The following PPP1R12B variants were observed in gnomAD, a reference collection of about 807,000 sequenced individuals.
The protein encoded by PPP1R12B is myosin phosphatase target subunit 2.
A neutral mutation model predicts 126.1 loss-of-function variants in PPP1R12B; 76 were observed. That is an observed-to-expected ratio of 0.60 (90% CI 0.50 to 0.73). The LOEUF (loss-of-function observed/expected upper bound fraction) is 0.73. Among genes scored for constraint, PPP1R12B ranks in the 30% least tolerant of loss-of-function variants. The probability of loss-of-function intolerance (pLI) is 0.00; values close to 1 mark genes in which losing one functional copy is unlikely to be tolerated. For missense variants in PPP1R12B, 1,052 were observed against 1,205.1 expected (o/e 0.87, Z 1.88); for synonymous variants, 356 against 434.7 (o/e 0.82, Z 2.25).
At chr1:202,560,090 CTGTT>C (rs1373299502) in intron 19 of PPP1R12B, among the ~76,000 whole-genome samples, 2 of 152,098 alleles carry the variant, frequency 1.3e-5, no homozygotes, top group Admixed American at 1.3e-4. Flanking sequence ...AGTTGATTAT[CTGTT>C]TGAGCAATTA....
intron 1 of PPP1R12B, among the ~76,000 whole-genome samples, chr1:202,358,334 A>G (rs1424743610): frequency 6.6e-6 from 1 of 152,178 alleles, no homozygotes; most frequent in Non-Finnish European, 1.5e-5. Flanking sequence ...GGGGGCTTAA[A>G]GTTTTATCAG....
rs933906766 is a variant in PPP1R12B, at chr1:202,581,392, G to A, written c.*832G>A. 1 of 152,244 alleles carries A rather than the reference G, an allele frequency of 6.6e-6. No homozygotes were observed. The highest frequency in any genetic ancestry group is 6.5e-5 in the Admixed American group (1 of 15,272). The allele number at this position is 152,244 out of a possible 1,614,324, so 9.4% of individuals were successfully genotyped here. On this transcript the variant is annotated 3_prime_UTR_variant, in exon 24 of 24. Coordinates refer to ENST00000608999, the MANE Select transcript of PPP1R12B (RefSeq NM_002481.4). The stretch of plus-strand genomic sequence containing the variant: ...AAGAAAATCATCACTCTGGTGCCTT[G>A]GTGGCAGCACCACTGCCTGCTCCCT...
chr1:202,439,452 C>T, intron 10 of PPP1R12B: 1 of 1,391,784 alleles, frequency 7.2e-7, no homozygotes, highest in Non-Finnish European at 1.0e-6. Flanking sequence ...CAGCTGGCTG[C>T]CCGCCAAGTG....
chr1:202,543,035 T>A (rs1685283670), intron 18 of PPP1R12B, among the ~76,000 whole-genome samples: 1 of 152,086 alleles, frequency 6.6e-6, no homozygotes, highest in Non-Finnish European at 1.5e-5. Context: ...GGCTAAATAG[T>A]AAATGCCCCC....
intron 18 of PPP1R12B, among the ~76,000 whole-genome samples, chr1:202,558,390 A>C (rs893704646): frequency 6.6e-6 from 1 of 152,092 alleles, no homozygotes; most frequent in Non-Finnish European, 1.5e-5. Flanking sequence ...ACCTAGGAGA[A>C]ACTGAGGAAG....
At chr1:202,438,642 A>C in intron 10 of PPP1R12B, 12 of 521,330 alleles carry the variant, frequency 2.3e-5, no homozygotes, top group Admixed American at 5.2e-5. Flanking sequence ...TGGCCCCGGA[A>C]GCAGCTGTTG....
intron 10 of PPP1R12B, chr1:202,438,990 T>C: frequency 2.7e-6 from 4 of 1,491,892 alleles, no homozygotes; most frequent in Non-Finnish European, 3.7e-6. Context: ...CGCATGGCCC[T>C]GGCCAACCGG....
At chr1:202,396,174 CA>C (rs1664954897) in intron 1 of PPP1R12B, among the ~76,000 whole-genome samples, 1 of 152,164 alleles carries the variant, frequency 6.6e-6, no homozygotes, top group South Asian at 2.1e-4. Flanking sequence ...AGTGCTTTAA[CA>C]TGAGACTTGT....
At chr1:202,437,276 A>G (rs1183427380) in intron 9 of PPP1R12B, among the ~76,000 whole-genome samples, 1 of 151,966 alleles carries the variant, frequency 6.6e-6, no homozygotes, top group Non-Finnish European at 1.5e-5. Flanking sequence ...GGATGCAGTG[A>G]ACTCTGATTA....
chr1:202,557,590 A>C (rs1687087292), intron 18 of PPP1R12B, among the ~76,000 whole-genome samples: 1 of 152,156 alleles, frequency 6.6e-6, no homozygotes, highest in Non-Finnish European at 1.5e-5. Context: ...CATGTTCAAA[A>C]ACCTTCGTTT....
At position 202,565,689 on chromosome 1, in the gene PPP1R12B, C is replaced by A. The variant is rs1279560174; in HGVS notation, c.2757+1142C>A. ...AGTTTAGAAGAGCCACCCCCTTTTT[C>A]CTGATTATAGTAGCCCAACATGGCT... On this transcript the variant is annotated intron_variant, in intron 21 of 23. Transcript: ENST00000608999. The surrounding 1 kb of genome is among the most constrained non-coding windows in gnomAD (Gnocchi z 4.3). Among the ~76,000 whole-genome samples the A allele has an allele frequency of 1.3e-5, 2 of 152,062 alleles. No individual in the cohort carries two copies. Among genetic ancestry groups the A allele is most frequent in the Non-Finnish European group, 2.9e-5 (2 of 68,002 alleles).
intron 1 of PPP1R12B, among the ~76,000 whole-genome samples, chr1:202,382,433 T>A (rs1344943147): frequency 2.7e-4 from 36 of 131,712 alleles, no homozygotes; most frequent in Non-Finnish European, 4.9e-4. Flanking sequence ...AAAAAAAATA[T>A]ATATATAAAA....
At chr1:202,448,168 A>G (rs969176017) in intron 12 of PPP1R12B, 1 of 152,142 alleles carries the variant, frequency 6.6e-6, no homozygotes, top group African/African-American at 2.4e-5. Context: ...CCATCTCTGT[A>G]TCAGTTTTGG....
intron 18 of PPP1R12B, among the ~76,000 whole-genome samples, chr1:202,509,339 G>T (rs1208503877): frequency 6.6e-6 from 1 of 152,202 alleles, no homozygotes; most frequent in Admixed American, 6.5e-5. Context: ...GAATGAGAAA[G>T]TGAAGGAGAG....
At chr1:202,550,845 A>G (rs988398726) in intron 18 of PPP1R12B, among the ~76,000 whole-genome samples, 5 of 152,242 alleles carry the variant, frequency 3.3e-5, no homozygotes, top group African/African-American at 1.2e-4. Context: ...TACATATAAA[A>G]TGGCTTGCCT....
chr1:202,570,814 C>T (rs1688521688), intron 23 of PPP1R12B, among the ~76,000 whole-genome samples: 1 of 152,232 alleles, frequency 6.6e-6, no homozygotes, highest in Non-Finnish European at 1.5e-5. Context: ...CGTGCCGCCA[C>T]ACCCAGCTGA....
chr1:202,569,150 A>C lies in PPP1R12B; in HGVS notation c.2815A>C (p.Arg939=), dbSNP rs1688347653. ...CAGTCTCATTGTTCCGAAACAGGAG[A>C]GGCGAGCCTTGGAGCGCAAAATGTC... ...SSVLEMEKRE[R]RALERKMSEM... The change falls in exon 23 of 24, where the codon AGG becomes CGG. Residue 939 remains arginine, a synonymous_variant. Coordinates refer to ENST00000608999, the MANE Select transcript of PPP1R12B (RefSeq NM_002481.4). 6 of 1,613,388 alleles carry C rather than the reference A, an allele frequency of 3.7e-6. No homozygotes were observed. Among genetic ancestry groups the C allele is most frequent in the African/African-American group, 2.7e-5 (2 of 74,988 alleles).
intron 1 of PPP1R12B, among the ~76,000 whole-genome samples, chr1:202,411,267 A>C (rs1571885870): frequency 7.1e-6 from 1 of 141,096 alleles, no homozygotes; most frequent in African/African-American, 2.6e-5. Flanking sequence ...CTTCTTCTGG[A>C]GGCAAAAAAA....
intron 18 of PPP1R12B, among the ~76,000 whole-genome samples, chr1:202,514,614 G>A (rs1306977592): frequency 6.6e-6 from 1 of 152,164 alleles, no homozygotes; most frequent in African/African-American, 2.4e-5. Context: ...ATGGTGCAAG[G>A]AAGGTGTCTA....
Sources: gnomAD v4.1 joint callset for allele counts (sites outside exome capture counted in the v4.1 genomes callset) on GRCh38, gnomAD v4.1.1 for gene constraint, Gnocchi (gnomAD v3.1) non-coding constraint, MANE v1.5 for transcripts, NCBI Gene and HGNC (gene_info 2026-07-23, HGNC 2026-07-21) for gene names.